FAM171A1: variants seen among roughly 807,000 people sequenced by gnomAD.
FAM171A1 encodes the protein protein FAM171A1.
In FAM171A1, 23 loss-of-function variants were observed where a neutral mutation model predicts 74.9. That is an observed-to-expected ratio of 0.31 (90% CI 0.22 to 0.44). The LOEUF is 0.44. FAM171A1 is among the 20% of genes least tolerant of loss of function. FAM171A1 has a pLI of 1.00. For synonymous variants in FAM171A1, 527 were observed against 505.7 expected (o/e 1.04, Z -0.57); for missense variants, 1,162 against 1,159.2 (o/e 1.00, Z -0.03).
At chr10:15,280,950 A>G (rs1312349522) in intron 2 of FAM171A1, among the ~76,000 whole-genome samples, 1 of 152,170 alleles carries the variant, frequency 6.6e-6, no homozygotes, top group Non-Finnish European at 1.5e-5. Flanking sequence ...CCCTGCCCAA[A>G]TCTCACGTCG....
intron 1 of FAM171A1, among the ~76,000 whole-genome samples, chr10:15,324,954 G>C (rs963254290): frequency 5.3e-5 from 8 of 152,200 alleles, no homozygotes; most frequent in African/African-American, 1.7e-4. Flanking sequence ...CGCATCTGAG[G>C]ATTCCCAACA....
At chr10:15,272,311 G>C (rs914553735) in intron 3 of FAM171A1, among the ~76,000 whole-genome samples, 2 of 152,158 alleles carry the variant, frequency 1.3e-5, no homozygotes, top group African/African-American at 4.8e-5. Flanking sequence ...ATTACATAAT[G>C]GTAAAGGGAT....
At chr10:15,316,345 T>A (rs1044779760) in intron 1 of FAM171A1, among the ~76,000 whole-genome samples, 2 of 152,216 alleles carry the variant, frequency 1.3e-5, no homozygotes, top group Non-Finnish European at 1.5e-5. Flanking sequence ...GGGCAGCGCG[T>A]GGCCTCCTTC....
At chr10:15,357,864 G>A (rs1356880485) in intron 1 of FAM171A1, among the ~76,000 whole-genome samples, 1 of 152,176 alleles carries the variant, frequency 6.6e-6, no homozygotes, top group Non-Finnish European at 1.5e-5. Flanking sequence ...TTGTATGACT[G>A]ACATTTTCAT....
chr10:15,223,942 T>C lies in FAM171A1; in HGVS notation c.755-2882A>G, dbSNP rs1834072232. ...ACAAAACAAAAAAAACCCCTCCACA[T>C]TACATTTGGGACAAGCCTAGTGGGT... On this transcript the variant is annotated intron_variant, in intron 5 of 7. Coordinates refer to ENST00000378116, the MANE Select transcript of FAM171A1 (RefSeq NM_001010924.2). 2.6e-5 allele frequency among the ~76,000 whole-genome samples: 4 copies of C among 152,110 alleles called. No individual in the cohort carries two copies. The South Asian group carries it at 8.3e-4, about 31-fold the overall frequency.
At chr10:15,226,223 C>T (rs746953532) in intron 5 of FAM171A1, among the ~76,000 whole-genome samples, 31 of 152,160 alleles carry the variant, frequency 2.0e-4, no homozygotes, top group South Asian at 4.2e-4. Flanking sequence ...GTCGTGCAGC[C>T]GGCATTTTAG....
At chr10:15,231,583 C>G (rs575108165) in intron 5 of FAM171A1, among the ~76,000 whole-genome samples, 315 of 151,716 alleles carry the variant, frequency 2.1e-3, no homozygotes, top group Non-Finnish European at 3.7e-3. Flanking sequence ...CAACGCCTCT[C>G]TAAATTATTT....
At chr10:15,316,396 C>T (rs371426522) in intron 1 of FAM171A1, among the ~76,000 whole-genome samples, 5 of 152,192 alleles carry the variant, frequency 3.3e-5, no homozygotes, top group Admixed American at 2.0e-4. Context: ...TGTTCTGGGG[C>T]GTCCCGCAAG....
At chr10:15,223,422 G>A (rs533369109) in intron 5 of FAM171A1, among the ~76,000 whole-genome samples, 3 of 152,288 alleles carry the variant, frequency 2.0e-5, no homozygotes, top group African/African-American at 7.2e-5. Flanking sequence ...TTAGATTGTT[G>A]AGTCACTGCT....
At chr10:15,250,848 T>A (rs77526881) in intron 4 of FAM171A1, among the ~76,000 whole-genome samples, 4,808 of 152,294 alleles carry the variant, frequency 0.032, 124 homozygotes, top group Non-Finnish European at 0.046. Flanking sequence ...ATGTTTTCCA[T>A]CAGGGAGTGC....
intron 6 of FAM171A1, among the ~76,000 whole-genome samples, chr10:15,216,610 T>G (rs1833970298): frequency 1.3e-5 from 2 of 152,204 alleles, no homozygotes; most frequent in South Asian, 4.2e-4. Context: ...TTTATAAATT[T>G]TTTTTAGAGG....
intron 1 of FAM171A1, among the ~76,000 whole-genome samples, chr10:15,326,178 T>A (rs943922537): frequency 2.6e-5 from 4 of 152,208 alleles, no homozygotes; most frequent in Non-Finnish European, 4.4e-5. Context: ...TTATGTTCTC[T>A]GCCTCCCCTG....
intron 7 of FAM171A1, among the ~76,000 whole-genome samples, chr10:15,215,025 G>T (rs940905368): frequency 6.6e-6 from 1 of 151,942 alleles, no homozygotes; most frequent in African/African-American, 2.4e-5. Context: ...GCCTCCCAAA[G>T]TGCTAGGCCT....
At chr10:15,286,033 T>C (rs1007995503) in intron 1 of FAM171A1, among the ~76,000 whole-genome samples, 15 of 152,192 alleles carry the variant, frequency 9.9e-5, no homozygotes, top group Non-Finnish European at 2.1e-4. Context: ...AGTTTCCCCA[T>C]TTGCTAACTG....
chr10:15,257,517 C>T (rs764013284), intron 3 of FAM171A1, among the ~76,000 whole-genome samples: 1 of 152,116 alleles, frequency 6.6e-6, no homozygotes, highest in Admixed American at 6.5e-5. Flanking sequence ...TTTGGGTGGG[C>T]AACACATCTC....
Position 15,213,683 on chromosome 10 carries a change from G to A in FAM171A1, c.1905C>T (p.Pro635=). ...IFPHPSSQIQ[P]QPLSSQAISQ... Reference sequence around the variant, plus strand: ...AGATGGCCTGGGAAGACAGGGGCTGGGGCTGGATCTGTGAGGACGGGTGTG... The same window carrying A: ...AGATGGCCTGGGAAGACAGGGGCTGAGGCTGGATCTGTGAGGACGGGTGTG... Residue 635 remains proline, a synonymous_variant, in exon 8 of 8, where the codon CCC becomes CCT. Coordinates refer to ENST00000378116, the MANE Select transcript of FAM171A1 (RefSeq NM_001010924.2). This position sits in a 1 kb window ranked among gnomAD's most constrained non-coding sequence, Gnocchi z 6.8. 6.2e-7 allele frequency: 1 copy of A among 1,613,194 alleles called. No individual in the cohort carries two copies. Among genetic ancestry groups the A allele is most frequent in the Non-Finnish European group, 8.5e-7 (1 of 1,179,410 alleles).
intron 1 of FAM171A1, among the ~76,000 whole-genome samples, chr10:15,351,595 G>GGATGGATGGATGGATA (rs58703599): frequency 1.9e-5 from 1 of 52,074 alleles, no homozygotes; most frequent in African/African-American, 6.8e-5. Flanking sequence ...ATGGATGGAT[G>GGATGGATGGATGGATA]CATGGATGGA....
chr10:15,312,483 G>A (rs1835371288), intron 1 of FAM171A1, among the ~76,000 whole-genome samples: 1 of 151,464 alleles, frequency 6.6e-6, no homozygotes, highest in African/African-American at 2.4e-5. Context: ...GCAACACTGG[G>A]GGTATGCACG....
chr10:15,335,028 G>A (rs1835684425), intron 1 of FAM171A1, among the ~76,000 whole-genome samples: 1 of 152,150 alleles, frequency 6.6e-6, no homozygotes, highest in African/African-American at 2.4e-5. Context: ...GATCACTTGG[G>A]TCCAGGAGTT....
Sources: gnomAD v4.1 joint callset for allele counts (sites outside exome capture counted in the v4.1 genomes callset) on GRCh38, gnomAD v4.1.1 for gene constraint, Gnocchi (gnomAD v3.1) non-coding constraint, MANE v1.5 for transcripts, NCBI Gene and HGNC (gene_info 2026-07-23, HGNC 2026-07-21) for gene names.